WDR11: variants seen among roughly 807,000 people sequenced by gnomAD.
WDR11 encodes the protein WD repeat domain 11.
In WDR11, 83 loss-of-function variants were observed where a neutral mutation model predicts 151.2. The ratio of observed to expected loss-of-function variants is 0.55; its 90% CI spans 0.46 to 0.66. The LOEUF is 0.66. WDR11 is among the 30% of genes least tolerant of loss of function. WDR11 has a pLI of 0.00. For missense variants in WDR11, 1,301 were observed against 1,480.9 expected (o/e 0.88, Z 1.99); for synonymous variants, 484 against 533.1 (o/e 0.91, Z 1.27).
intron 16 of WDR11, among the ~76,000 whole-genome samples, chr10:120,888,725 A>G (rs568625264): frequency 1.5e-4 from 23 of 152,308 alleles, no homozygotes; most frequent in African/African-American, 5.1e-4. Flanking sequence ...TTTTGCAGTG[A>G]GAGATAAGTT....
In WDR11 at chr10:120,908,558, A is replaced by G; in HGVS notation, c.3520A>G (p.Lys1174Glu). Residue 1174 changes from lysine to glutamate, a missense_variant and splice_region_variant, in exon 29 of 29, where the codon AAA becomes GAA. Coordinates refer to ENST00000263461, the MANE Select transcript of WDR11 (RefSeq NM_018117.12). The stretch of plus-strand genomic sequence containing the variant: ...TCTTTTCCTTAACTATGGTTTACAG[A>G]AACTCATCACTGCTATATATGCAGA... ...GAFEVTEDTE[K>E]LITAIYADYA... 1 of 1,614,198 alleles carries G rather than the reference A, an allele frequency of 6.2e-7. No individual in the cohort carries two copies. The highest frequency in any genetic ancestry group is 1.3e-5 in the African/African-American group (1 of 75,056).
chr10:120,862,957 T>C, intron 5 of WDR11, 36 bp downstream of exon 5: 1 of 1,356,384 alleles, frequency 7.4e-7, no homozygotes, highest in Non-Finnish European at 1.1e-6. Context: ...TTCATCTACT[T>C]ATCTGGTATG....
intron 13 of WDR11, among the ~76,000 whole-genome samples, chr10:120,883,440 A>G (rs1847099891): frequency 1.3e-5 from 2 of 152,152 alleles, no homozygotes; most frequent in Admixed American, 6.6e-5. Flanking sequence ...TAATCTGTAT[A>G]TCAATTAATT....
chr10:120,870,279 C>G (rs1284747687), intron 9 of WDR11, among the ~76,000 whole-genome samples: 1 of 152,138 alleles, frequency 6.6e-6, no homozygotes, highest in Non-Finnish European at 1.5e-5. Flanking sequence ...ATTATTTATA[C>G]TTTTCCTTTC....
intron 13 of WDR11, among the ~76,000 whole-genome samples, chr10:120,882,270 T>C (rs1590089058): frequency 5.3e-5 from 8 of 152,220 alleles, no homozygotes; most frequent in Admixed American, 5.2e-4. Context: ...GATTTATTGA[T>C]ATATTATTAA....
intron 26 of WDR11, 33 bp from the exon 27 acceptor site, chr10:120,905,843 T>G: frequency 6.2e-7 from 1 of 1,614,170 alleles, no homozygotes; most frequent in Non-Finnish European, 8.5e-7. Context: ...GAGTGCAGGA[T>G]GTTTTTGTTG....
chr10:120,873,967 GA>G (rs1333777654), intron 11 of WDR11, 44 bp downstream of exon 11: 8 of 1,381,138 alleles, frequency 5.8e-6, no homozygotes, highest in Non-Finnish European at 8.2e-6. Flanking sequence ...CATCATATCA[GA>G]AAAAAAATTC....
In WDR11 at chr10:120,908,822, A is replaced by G. The variant is rs1848176583; in HGVS notation, c.*109A>G. On this transcript the variant is annotated 3_prime_UTR_variant, in exon 29 of 29. Transcript: ENST00000263461. ...ATGAAGAGGAGTACAGGGTCCTGTGAGCTGTTTGACCACTGTTCTAAGACT... is the reference window on the plus strand; with the variant it reads ...ATGAAGAGGAGTACAGGGTCCTGTGGGCTGTTTGACCACTGTTCTAAGACT... 1.6e-6 allele frequency: 2 copies of G among 1,259,622 alleles called. No individual in the cohort carries two copies. The highest frequency in any genetic ancestry group is 3.5e-5 in the Admixed American group (2 of 56,350). 78.0% of individuals were successfully genotyped at this position (1,259,622 alleles called of 1,614,324 possible). A position where few individuals can be genotyped will look rare whatever the true frequency, so the allele number is the denominator to read the frequency against.
At chr10:120,895,017 TA>T (rs1214158224) in intron 19 of WDR11, among the ~76,000 whole-genome samples, 1 of 152,334 alleles carries the variant, frequency 6.6e-6, no homozygotes, top group African/African-American at 2.4e-5. Flanking sequence ...ATATTTGTTT[TA>T]AAAAATAAGG....
At position 120,894,288 on chromosome 10, in the gene WDR11, C is replaced by T. The variant is rs559546841; in HGVS notation, c.2515+3401C>T. On this transcript the variant is annotated intron_variant, in intron 19 of 28. Coordinates refer to ENST00000263461, the MANE Select transcript of WDR11 (RefSeq NM_018117.12). ...AAAGGCCACTGCTAAGCACATTTTTCCTAAGTAAGCATATATAGAAAGAAG... is the reference window on the plus strand; with the variant it reads ...AAAGGCCACTGCTAAGCACATTTTTTCTAAGTAAGCATATATAGAAAGAAG... 5.9e-5 allele frequency among the ~76,000 whole-genome samples: 9 copies of T among 152,236 alleles called. No individual in the cohort carries two copies. The East Asian group carries it at 1.7e-3, about 29-fold the overall frequency.
intron 27 of WDR11, 28 bp downstream of exon 27, chr10:120,906,049 C>A (rs373343312): frequency 6.2e-7 from 1 of 1,612,736 alleles, no homozygotes; most frequent in Non-Finnish European, 8.5e-7. Flanking sequence ...ATGGGCTGCT[C>A]AGGCCTGCCC....
At chr10:120,859,996 T>C in intron 3 of WDR11, 113 bp from the exon 4 acceptor site, 1 of 1,197,252 alleles carries the variant, frequency 8.4e-7, no homozygotes. Context: ...TTGGGGCTGG[T>C]GGTTAAGTTT....
rs568817037 is a variant in WDR11 at position 120,851,772 on chromosome 10, C to T, written c.86+266C>T. The T allele has an allele frequency of 1.0e-3, 581 of 558,306 alleles. 1 individual carries two copies. Among genetic ancestry groups the T allele is most frequent in the Non-Finnish European group, 1.5e-3 (475 of 310,488 alleles). 34.6% of individuals were successfully genotyped at this position (558,306 alleles called of 1,614,324 possible). A position where few individuals can be genotyped will look rare whatever the true frequency, so the allele number is the denominator to read the frequency against. On this transcript the variant is annotated intron_variant, in intron 1 of 28. Transcript: ENST00000263461. Reference sequence around the variant, plus strand: ...TTTTCTCTGCACCTCGCCCTTTTGCCGTTCCATTCCTCTCTCTTTTCCTCT... The same window carrying T: ...TTTTCTCTGCACCTCGCCCTTTTGCTGTTCCATTCCTCTCTCTTTTCCTCT...
chr10:120,905,831 T>TA, intron 26 of WDR11, 45 bp from the exon 27 acceptor site: 1 of 1,614,116 alleles, frequency 6.2e-7, no homozygotes, highest in East Asian at 2.2e-5. Flanking sequence ...TTTTTCTTTA[T>TA]AGAGTGCAGG....
In WDR11 at chr10:120,908,843, A is replaced by AGAAG. The variant is rs1848177866; in HGVS notation, c.*132_*133insAGGA. The AGAAG allele has an allele frequency of 1.0e-6, 1 of 992,682 alleles. No homozygotes were observed. The highest frequency in any genetic ancestry group is 1.3e-5 in the South Asian group (1 of 75,018). 61.5% of individuals were successfully genotyped at this position (992,682 alleles called of 1,614,324 possible). A position where few individuals can be genotyped will look rare whatever the true frequency, so the allele number is the denominator to read the frequency against. On this transcript the variant is annotated 3_prime_UTR_variant, in exon 29 of 29. Transcript: ENST00000263461. ...TGTGAGCTGTTTGACCACTGTTCTA[A>AGAAG]GACTATGTGTGCCCAAAAGCACATA... is the stretch of plus-strand genomic sequence containing the variant.
At chr10:120,902,378 CT>C in intron 22 of WDR11, 56 bp downstream of exon 22, 1 of 1,490,142 alleles carries the variant, frequency 6.7e-7, no homozygotes, top group Non-Finnish European at 9.3e-7. Flanking sequence ...TAACTCATTT[CT>C]TTTAAGGGTT....
intron 21 of WDR11, 90 bp from the exon 22 acceptor site, chr10:120,902,167 T>G: frequency 2.8e-6 from 3 of 1,063,646 alleles, no homozygotes; most frequent in Non-Finnish European, 2.9e-6. Context: ...TGACTGGAAT[T>G]TTTCATTTCA....
intron 6 of WDR11, 52 bp downstream of exon 6, chr10:120,865,264 T>A: frequency 6.4e-7 from 1 of 1,562,278 alleles, no homozygotes; most frequent in Non-Finnish European, 8.8e-7. Context: ...AATGTTATAT[T>A]AAAAGAAGGC....
intron 11 of WDR11, among the ~76,000 whole-genome samples, chr10:120,875,062 A>G (rs1455294750): frequency 1.3e-5 from 2 of 151,408 alleles, no homozygotes; most frequent in Non-Finnish European, 2.9e-5. Context: ...GAGAACATGC[A>G]GTGTTTGGTT....
Sources: gnomAD v4.1 joint callset for allele counts (sites outside exome capture counted in the v4.1 genomes callset) on GRCh38, gnomAD v4.1.1 for gene constraint, MANE v1.5 for transcripts, NCBI Gene and HGNC (gene_info 2026-07-23, HGNC 2026-07-21) for gene names.